Variants in CBL observed in about 807,000 individuals in gnomAD.
CBL encodes E3 ubiquitin-protein ligase CBL.
Under a neutral mutation model 96.9 loss-of-function variants are expected in CBL, and 45 were observed. The ratio of observed to expected loss-of-function variants is 0.46; its 90% CI spans 0.37 to 0.60. The LOEUF is 0.60. CBL is among the 20% of genes least tolerant of loss of function. The probability of loss-of-function intolerance (pLI) is 0.00; values close to 1 mark genes in which losing one functional copy is unlikely to be tolerated. For synonymous variants in CBL, 420 were observed against 426.8 expected (o/e 0.98, Z 0.20); for missense variants, 1,024 against 1,143.5 (o/e 0.90, Z 1.51).
intron 2 of CBL, among the ~76,000 whole-genome samples, chr11:119,252,198 CT>C (rs1434091477): frequency 1.3e-5 from 2 of 151,590 alleles, no homozygotes; most frequent in Non-Finnish European, 2.9e-5. Context: ...AACCCTCCCC[CT>C]ACTCCATTTA....
chr11:119,238,453 G>A (rs765180175), intron 2 of CBL, among the ~76,000 whole-genome samples: 4 of 151,040 alleles, frequency 2.6e-5, no homozygotes, highest in Non-Finnish European at 5.9e-5. Context: ...CATGTGACCC[G>A]CCCGCCTCGG....
chr11:119,252,606 A>AGC (rs1949677179), intron 2 of CBL, among the ~76,000 whole-genome samples: 2 of 152,190 alleles, frequency 1.3e-5, no homozygotes, highest in Non-Finnish European at 2.9e-5. Context: ...CTATAATCCC[A>AGC]GCACTTTGGG....
chr11:119,206,530 A>T lies in CBL; in HGVS notation c.113A>T (p.His38Leu). 1 of 1,552,920 alleles carries T rather than the reference A, an allele frequency of 6.4e-7. No individual in the cohort carries two copies. Among genetic ancestry groups the T allele is most frequent in the South Asian group, 1.2e-5 (1 of 84,392 alleles). ...AAGGACGCCTTCCAGCCGCACCACC[A>T]CCACCACCACCACCTCAGCCCCCAC... is the stretch of plus-strand genomic sequence containing the variant. ...LMKDAFQPHH[H>L]HHHHLSPHPP... is the part of the protein sequence containing the mutation. The change falls in exon 1 of 16, where the codon CAC becomes CTC. Residue 38 changes from histidine (H) to leucine (L), a missense_variant. This residue lies in a region of CBL where 114 missense variants were observed against 117.4 expected (regional missense o/e 0.97). Transcript: ENST00000264033.
intron 11 of CBL, among the ~76,000 whole-genome samples, chr11:119,286,650 T>G (rs1429183123): frequency 6.6e-6 from 1 of 152,030 alleles, no homozygotes; most frequent in Non-Finnish European, 1.5e-5. Flanking sequence ...TAGAGAGAGT[T>G]GAATACCCTC....
rs1221433444 is a variant in CBL at position 119,308,046 on chromosome 11, A to T, written c.*8265A>T. 2.8e-5 allele frequency: 5 copies of T among 180,914 alleles called. No individual in the cohort carries two copies. The highest frequency in any genetic ancestry group is 4.7e-5 in the Non-Finnish European group (4 of 84,466). 11.2% of individuals were successfully genotyped at this position (180,914 alleles called of 1,614,324 possible). ...TCTGTTTTACTAATGTTATTTATTAATTTTTTTTCATTTCCATACACAGTT... is the reference window on the plus strand; with the variant it reads ...TCTGTTTTACTAATGTTATTTATTATTTTTTTTTCATTTCCATACACAGTT... On this transcript the variant is annotated 3_prime_UTR_variant, in exon 16 of 16. Coordinates refer to ENST00000264033, the MANE Select transcript of CBL (RefSeq NM_005188.4).
Position 119,206,501 on chromosome 11 carries a change from C to T in CBL, c.84C>T (p.Leu28=), listed in dbSNP as rs752697225. 1.0e-5 allele frequency: 16 copies of T among 1,568,284 alleles called. 2 individuals carry two copies. The South Asian group carries it at 1.4e-4, about 14-fold the overall frequency. ...GGSGSGGLIG[L]MKDAFQPHHH... ...CGGGTTCGGGTGGCCTGATTGGGCTCATGAAGGACGCCTTCCAGCCGCACC... is the reference window on the plus strand; with the variant it reads ...CGGGTTCGGGTGGCCTGATTGGGCTTATGAAGGACGCCTTCCAGCCGCACC... Residue 28 remains leucine (L), a synonymous_variant, in exon 1 of 16, where the codon CTC becomes CTT. Transcript: ENST00000264033.
At chr11:119,288,476 CAG>C (rs61294763) in intron 12 of CBL, among the ~76,000 whole-genome samples, 76 of 150,364 alleles carry the variant, frequency 5.1e-4, no homozygotes, top group Admixed American at 8.0e-4. Flanking sequence ...TTTGCACAGA[CAG>C]AGAGAGAGAG....
chr11:119,256,654 G>A (rs997375986), intron 2 of CBL, among the ~76,000 whole-genome samples: 11 of 150,498 alleles, frequency 7.3e-5, no homozygotes, highest in Non-Finnish European at 1.5e-4. Flanking sequence ...CCCATTACCC[G>A]AGTAGTGTAC....
intron 2 of CBL, among the ~76,000 whole-genome samples, chr11:119,257,948 C>T (rs544084682): frequency 7.9e-5 from 12 of 152,174 alleles, no homozygotes; most frequent in Admixed American, 2.0e-4. Context: ...TACTTGTGGC[C>T]GGGTGCTGTG....
chr11:119,278,723 C>T lies in CBL; in HGVS notation c.1431+10C>T, dbSNP rs1486984317. On this transcript the variant is annotated intron_variant, in intron 9 of 15. Transcript: ENST00000264033. ...ATTGGCTGGTGCCAAGGTAAGATGG[C>T]AGTTTAGGAGACTGGCAAAATCCAT... 1.2e-6 allele frequency: 2 copies of T among 1,611,010 alleles called. No individual in the cohort carries two copies. The highest frequency in any genetic ancestry group is 1.7e-6 in the Non-Finnish European group (2 of 1,177,476).
chr11:119,270,818 T>C (rs146147329), intron 2 of CBL, among the ~76,000 whole-genome samples: 1 of 152,138 alleles, frequency 6.6e-6, no homozygotes, highest in South Asian at 2.1e-4. Context: ...TGACTGCAAG[T>C]GATCGCCCAC....
rs1183617602 is a variant in CBL at position 119,215,664 on chromosome 11, T to C, written c.195+9052T>C. On this transcript the variant is annotated intron_variant, in intron 1 of 15. Transcript: ENST00000264033. ...ACATTCTGGGCAACAAGAGTGAAAC[T>C]GTCTCAAAAAAAAAAAGCCGAGGGT... Among the ~76,000 whole-genome samples the C allele has an allele frequency of 6.0e-5, 9 of 150,736 alleles. No homozygotes were observed. In the East Asian group the frequency reaches 1.6e-3, roughly 26 times the overall value.
intron 6 of CBL, 103 bp downstream of exon 6, chr11:119,276,237 G>C (rs772568020): frequency 5.9e-6 from 7 of 1,193,226 alleles, no homozygotes; most frequent in African/African-American, 1.5e-5. Context: ...TGCAGACTAA[G>C]ATTCAGGAAA....
At chr11:119,217,657 A>G (rs1949373252) in intron 1 of CBL, among the ~76,000 whole-genome samples, 1 of 152,134 alleles carries the variant, frequency 6.6e-6, no homozygotes, top group African/African-American at 2.4e-5. Context: ...TGTATGCCAC[A>G]GTTGCTTTTA....
Position 119,260,939 on chromosome 11 carries a change from C to CTTTTTTTTTTTTTTTTTTT in CBL, c.444-10794_444-10776dup, listed in dbSNP as rs35248070. 7.8e-5 allele frequency among the ~76,000 whole-genome samples: 7 copies of CTTTTTTTTTTTTTTTTTTT among 89,922 alleles called. 2 individuals are homozygous for CTTTTTTTTTTTTTTTTTTT. The highest frequency in any genetic ancestry group is 3.5e-4 in the Admixed American group (3 of 8,578). The allele number at this position is 89,922 out of a possible 152,430, so 59.0% of individuals were successfully genotyped here. A position where few individuals can be genotyped will look rare whatever the true frequency, so the allele number is the denominator to read the frequency against. On this transcript the variant is annotated intron_variant, in intron 2 of 15. Transcript: ENST00000264033. ...TTTCACTTTGGCAGTTAAATCTCTA[C>CTTTTTTTTTTTTTTTTTTT]TTTTTTTTTTTTTTTTTTTTAATGG...
At chr11:119,275,301 T>C (rs774872474) in intron 5 of CBL, among the ~76,000 whole-genome samples, 38 of 152,116 alleles carry the variant, frequency 2.5e-4, no homozygotes, top group Non-Finnish European at 4.9e-4. Context: ...TATCCAGGTG[T>C]GGTGCGGGTG....
At chr11:119,257,535 G>A (rs994401580) in intron 2 of CBL, among the ~76,000 whole-genome samples, 1 of 152,118 alleles carries the variant, frequency 6.6e-6, no homozygotes, top group Non-Finnish European at 1.5e-5. Flanking sequence ...TGCATTGCTT[G>A]CATGTATTTT....
rs2135327611 is a variant in CBL, at chr11:119,306,882, G to A, written c.*7101G>A. 1 of 230,182 alleles carries A rather than the reference G, an allele frequency of 4.3e-6. No individual in the cohort carries two copies. The highest frequency in any genetic ancestry group is 5.7e-5 in the Admixed American group (1 of 17,610). 14.3% of individuals were successfully genotyped at this position (230,182 alleles called of 1,614,324 possible). A position where few individuals can be genotyped will look rare whatever the true frequency, so the allele number is the denominator to read the frequency against. ...CTGTTTTCTGGCTGTGGTGACTTGG[G>A]ATTTTTAACCTTATATATCTTTTTC... On this transcript the variant is annotated 3_prime_UTR_variant, in exon 16 of 16. Transcript: ENST00000264033.
intron 2 of CBL, among the ~76,000 whole-genome samples, chr11:119,252,899 A>G (rs1949681302): frequency 6.6e-6 from 1 of 151,744 alleles, no homozygotes; most frequent in African/African-American, 2.4e-5. Context: ...AAAAAAAAAA[A>G]AGATTAAAAA....
Sources: allele counts gnomAD v4.1 joint callset (sites outside exome capture counted in the v4.1 genomes callset), GRCh38; gene constraint gnomAD v4.1.1; regional missense constraint gnomAD v4.1.1; transcripts MANE v1.5; gene names NCBI Gene and HGNC (gene_info 2026-07-23, HGNC 2026-07-21).